Variants in NOX4 observed in about 807,000 individuals in gnomAD.
The protein encoded by NOX4 is kidney oxidase-1.
In NOX4, 69 loss-of-function variants were observed where a neutral mutation model predicts 87.6. That is an observed-to-expected ratio of 0.79 (90% CI 0.65 to 0.96). The LOEUF is 0.96. Ranked by LOEUF, NOX4 falls within the 40% of genes least tolerant of loss-of-function variation. The probability of loss-of-function intolerance (pLI) is 0.00; values close to 1 mark genes in which losing one functional copy is unlikely to be tolerated. For missense variants in NOX4, 680 were observed against 681.5 expected (o/e 1.00, Z 0.02); for synonymous variants, 275 against 238.2 (o/e 1.15, Z -1.42).
chr11:89,369,233 CAAATTGAG>C (rs1939250799), intron 12 of NOX4, among the ~76,000 whole-genome samples: 1 of 151,782 alleles, frequency 6.6e-6, no homozygotes, highest in African/African-American at 2.4e-5. Context: ...AGTGAGAAGC[CAAATTGAG>C]GATGGTGAAA....
rs749503948 is a variant in NOX4 at position 89,354,988 on chromosome 11, G to C, written c.1191C>G (p.Pro397=). The change falls in exon 13 of 18, where the codon CCC becomes CCG. Residue 397 remains proline, a synonymous_variant. Transcript: ENST00000263317. ...TGGGATAATTTCTAGATTGAATGAA[G>C]GGCAGAATTTCGGAGTCTTGACTAG... ...PPSSQDSEIL[P]FIQSRNYPKL... is the part of the protein sequence containing the mutation. 2.5e-6 allele frequency: 4 copies of C among 1,600,628 alleles called. No homozygotes were observed. The East Asian group carries it at 9.0e-5, about 36-fold the overall frequency.
At chr11:89,430,378 A>G (rs1038065547) in intron 7 of NOX4, among the ~76,000 whole-genome samples, 6 of 152,184 alleles carry the variant, frequency 3.9e-5, no homozygotes, top group African/African-American at 1.4e-4. Flanking sequence ...AGAAAGAAAT[A>G]AAGGATATTC....
the NOX4 span, among the ~76,000 whole-genome samples, chr11:89,558,590 A>G: frequency 6.6e-6 from 1 of 152,130 alleles, no homozygotes; most frequent in Non-Finnish European, 1.5e-5. Context: ...AGTACCCCAG[A>G]ATACTTCAAA....
At chr11:89,427,241 C>A (rs914503145) in intron 7 of NOX4, among the ~76,000 whole-genome samples, 14 of 152,112 alleles carry the variant, frequency 9.2e-5, no homozygotes, top group African/African-American at 3.4e-4. Context: ...TCATCAAAGA[C>A]CAAAGACAGA....
At chr11:89,430,500 G>A (rs1220909876) in intron 7 of NOX4, among the ~76,000 whole-genome samples, 3 of 152,186 alleles carry the variant, frequency 2.0e-5, no homozygotes, top group Admixed American at 1.3e-4. Context: ...AGCAACTTCA[G>A]CAAAGTCTCA....
intron 8 of NOX4, among the ~76,000 whole-genome samples, chr11:89,408,432 G>C (rs543963561): frequency 1.3e-5 from 2 of 152,242 alleles, no homozygotes; most frequent in South Asian, 2.1e-4. Context: ...GTAACATTAA[G>C]TAACAGACAG....
intron 11 of NOX4, among the ~76,000 whole-genome samples, chr11:89,390,588 A>G (rs963912065): frequency 9.2e-5 from 14 of 152,216 alleles, no homozygotes; most frequent in Admixed American, 1.3e-4. Flanking sequence ...AACCTTGTAG[A>G]GTCAAGTTCT....
At chr11:89,490,001 G>T (rs1245359694) in intron 2 of NOX4, among the ~76,000 whole-genome samples, 1 of 152,152 alleles carries the variant, frequency 6.6e-6, no homozygotes, top group Non-Finnish European at 1.5e-5. Context: ...GAACTGCCCA[G>T]AAATGAATAA....
chr11:89,521,920 C>A, the NOX4 span, among the ~76,000 whole-genome samples: 2,265 of 151,996 alleles, frequency 0.015, 47 homozygotes, highest in African/African-American at 0.047. Context: ...AGCCAACAAA[C>A]GAAAAATGCT....
chr11:89,534,493 T>C, the NOX4 span, among the ~76,000 whole-genome samples: 2 of 152,240 alleles, frequency 1.3e-5, no homozygotes, highest in African/African-American at 4.8e-5. Context: ...ATATCATAAC[T>C]AACATGATTC....
intron 2 of NOX4, among the ~76,000 whole-genome samples, chr11:89,463,120 T>C (rs1945543557): frequency 1.3e-5 from 2 of 152,078 alleles, no homozygotes; most frequent in South Asian, 4.1e-4. Context: ...AATCAGATTC[T>C]GTCCATTTAA....
chr11:89,531,552 C>T, the NOX4 span, among the ~76,000 whole-genome samples: 4 of 152,284 alleles, frequency 2.6e-5, no homozygotes, highest in South Asian at 6.2e-4. Flanking sequence ...TCCCAAATGT[C>T]AAGGGAGGGT....
At chr11:89,479,461 C>T (rs907889402) in intron 2 of NOX4, among the ~76,000 whole-genome samples, 1 of 151,932 alleles carries the variant, frequency 6.6e-6, no homozygotes, top group African/African-American at 2.4e-5. Flanking sequence ...CTTTATTATA[C>T]CCTATTGTTA....
chr11:89,587,145 G>A, the NOX4 span, among the ~76,000 whole-genome samples: 1 of 151,908 alleles, frequency 6.6e-6, no homozygotes, highest in Admixed American at 6.6e-5. Context: ...CACCCTATGG[G>A]GTCAGAGAAG....
At chr11:89,533,280 T>C in the NOX4 span, among the ~76,000 whole-genome samples, 1 of 152,196 alleles carries the variant, frequency 6.6e-6, no homozygotes, top group Non-Finnish European at 1.5e-5. Context: ...TGGTGTTTTA[T>C]ATATTCTTCC....
At chr11:89,375,931 G>A (rs916250127) in intron 11 of NOX4, among the ~76,000 whole-genome samples, 1 of 152,192 alleles carries the variant, frequency 6.6e-6, no homozygotes, top group Non-Finnish European at 1.5e-5. Flanking sequence ...GGCAAATGTG[G>A]CTTGAGTTAA....
intron 11 of NOX4, among the ~76,000 whole-genome samples, chr11:89,398,144 A>T (rs578170773): frequency 1.3e-5 from 2 of 152,148 alleles, no homozygotes; most frequent in South Asian, 4.2e-4. Context: ...AATCCCTGGG[A>T]TGCAAGGCTG....
At chr11:89,480,469 A>G (rs1946348381) in intron 2 of NOX4, among the ~76,000 whole-genome samples, 2 of 152,146 alleles carry the variant, frequency 1.3e-5, no homozygotes, top group South Asian at 4.1e-4. Context: ...TTCTGAGATA[A>G]GTAGAATATT....
chr11:89,522,234 AC>A, the NOX4 span, among the ~76,000 whole-genome samples: 1 of 152,238 alleles, frequency 6.6e-6, no homozygotes, highest in African/African-American at 2.4e-5. Context: ...TTGCAGGTTC[AC>A]TGCAGCACTG....
Sources: gnomAD v4.1 joint callset for allele counts (sites outside exome capture counted in the v4.1 genomes callset) on GRCh38, gnomAD v4.1.1 for gene constraint, MANE v1.5 for transcripts, NCBI Gene and HGNC (gene_info 2026-07-23, HGNC 2026-07-21) for gene names.